Variants in SORCS2 observed in about 807,000 individuals in gnomAD.
SORCS2 encodes the protein VPS10 domain-containing receptor SorCS2.
SORCS2 carries 100 observed loss-of-function variants against 141.6 expected under a neutral mutation model. That is an observed-to-expected ratio of 0.71 (90% confidence interval 0.60 to 0.83). SORCS2 has a LOEUF of 0.83. Ranked by LOEUF, SORCS2 falls within the 40% of genes least tolerant of loss-of-function variation. SORCS2 has a pLI of 0.00. For synonymous variants in SORCS2, 789 were observed against 676.9 expected, an observed-to-expected ratio of 1.17 and a Z score of -2.57; for missense variants, 1,646 against 1,560.2, an observed-to-expected ratio of 1.05 and a Z score of -0.93.
chr4:7,270,042 G>A lies in SORCS2; in HGVS notation c.480+76916G>A, dbSNP rs181772135. Among the ~76,000 whole-genome samples, 22 of 152,302 alleles carry A rather than the reference G, an allele frequency of 1.4e-4. No homozygotes were observed. In the East Asian group the frequency reaches 3.1e-3, roughly 21 times the overall value. The stretch of plus-strand genomic sequence containing the variant: ...CTACAAGTGCCTGCCACCATGTGTG[G>A]CTAATTTTTGTATTTGTTAGTAGGC... On this transcript the variant is annotated intron_variant, in intron 1 of 26. Transcript: ENST00000507866.
chr4:7,528,116 C>T (rs1037344163), intron 2 of SORCS2, among the ~76,000 whole-genome samples: 27 of 150,252 alleles, frequency 1.8e-4, no homozygotes, highest in Non-Finnish European at 2.8e-4. Context: ...ACAGTGTCCA[C>T]GCTGCCCATG....
rs143535406 is a variant in SORCS2 at position 7,549,989 on chromosome 4, C to T, written c.648+18360C>T. 6.7e-3 allele frequency among the ~76,000 whole-genome samples: 1,017 copies of T among 151,996 alleles called. 17 individuals carry two copies. The highest frequency in any genetic ancestry group is 0.023 in the African/African-American group (952 of 41,434). ...TTGCTCCCGAGGACTGAAAGGAATT[C>T]GATGTAACTAAAATATGAATCCACA... On this transcript the variant is annotated intron_variant, in intron 3 of 26. Transcript: ENST00000507866.
chr4:7,579,320 AC>A (rs1715984280), intron 3 of SORCS2, among the ~76,000 whole-genome samples: 2 of 152,166 alleles, frequency 1.3e-5, no homozygotes, highest in Non-Finnish European at 2.9e-5. Context: ...CTGAGTACCT[AC>A]AAAATCCCAT....
chr4:7,203,437 T>C (rs1485703758), intron 1 of SORCS2, among the ~76,000 whole-genome samples: 1 of 151,670 alleles, frequency 6.6e-6, no homozygotes, highest in African/African-American at 2.4e-5. Context: ...AAAAATTCTT[T>C]TTTCTTTAGA....
chr4:7,511,951 G>A (rs28528220), intron 2 of SORCS2, among the ~76,000 whole-genome samples: 14,109 of 152,238 alleles, frequency 0.093, 1,754 homozygotes, highest in African/African-American at 0.29. Context: ...GGTCCTGGAG[G>A]GGCACGCGCT....
At chr4:7,522,570 G>C (rs1487021222) in intron 2 of SORCS2, among the ~76,000 whole-genome samples, 1 of 152,108 alleles carries the variant, frequency 6.6e-6, no homozygotes, top group Non-Finnish European at 1.5e-5. Context: ...GAGAGAGGAG[G>C]CGCTCAGTAA....
At chr4:7,497,852 A>G (rs1731724430) in intron 2 of SORCS2, among the ~76,000 whole-genome samples, 5 of 152,278 alleles carry the variant, frequency 3.3e-5, no homozygotes, top group African/African-American at 1.2e-4. Flanking sequence ...TGCCGAAGGC[A>G]GAGGACCAGC....
intron 1 of SORCS2, among the ~76,000 whole-genome samples, chr4:7,234,810 G>T (rs1427848465): frequency 3.3e-5 from 5 of 152,280 alleles, no homozygotes; most frequent in African/African-American, 9.6e-5. Context: ...CCAGGAGCCT[G>T]ATGATGGCTG....
chr4:7,433,797 C>T (rs192357452), intron 2 of SORCS2: 19 of 1,613,690 alleles, frequency 1.2e-5, no homozygotes. Flanking sequence ...GACGGATGAA[C>T]TTGCACACCT....
intron 2 of SORCS2, among the ~76,000 whole-genome samples, chr4:7,436,565 C>T (rs185582599): frequency 1.3e-5 from 2 of 152,336 alleles, no homozygotes; most frequent in East Asian, 3.9e-4. Flanking sequence ...TTGAGCCTGG[C>T]ACAACATCCC....
intron 8 of SORCS2, among the ~76,000 whole-genome samples, chr4:7,675,031 A>G (rs1180406276): frequency 6.6e-6 from 1 of 152,142 alleles, no homozygotes; most frequent in Non-Finnish European, 1.5e-5. Flanking sequence ...AAAGGAACAG[A>G]GGTGGGAGGG....
At chr4:7,475,205 C>T (rs1420049552) in intron 2 of SORCS2, among the ~76,000 whole-genome samples, 3 of 152,088 alleles carry the variant, frequency 2.0e-5, no homozygotes, top group African/African-American at 7.2e-5. Flanking sequence ...TAGGGTGCCG[C>T]CGTGCCTGGG....
intron 2 of SORCS2, among the ~76,000 whole-genome samples, chr4:7,465,202 C>T (rs768622383): frequency 1.3e-5 from 2 of 152,234 alleles, no homozygotes; most frequent in Non-Finnish European, 1.5e-5. Flanking sequence ...AGCAGGAGGC[C>T]TCTGCTCCAT....
chr4:7,600,464 G>A (rs566405497), intron 3 of SORCS2, among the ~76,000 whole-genome samples: 3 of 152,130 alleles, frequency 2.0e-5, no homozygotes, highest in Non-Finnish European at 2.9e-5. Flanking sequence ...TGTGCTCTGC[G>A]TGGATGTTGA....
At chr4:7,229,789 C>A (rs1257361284) in intron 1 of SORCS2, among the ~76,000 whole-genome samples, 405 of 104,188 alleles carry the variant, frequency 3.9e-3, no homozygotes, top group Middle Eastern at 0.03. Context: ...GAAGATGGTC[C>A]AGTCTTCCAG....
chr4:7,316,532 G>A (rs759119008), intron 1 of SORCS2, among the ~76,000 whole-genome samples: 12 of 152,158 alleles, frequency 7.9e-5, no homozygotes, highest in Admixed American at 4.6e-4. Context: ...CTCTCATGTC[G>A]TCATTATTAC....
Position 7,400,900 on chromosome 4 carries a change from CAT to C in SORCS2, c.548+4548_548+4549del, listed in dbSNP as rs564771189. On this transcript the variant is annotated intron_variant, in intron 2 of 26. Transcript: ENST00000507866. Reference sequence around the variant, plus strand: ...ATAGGTGGATAGATTAATGGATGGACATATGGATGGATAGATGAATGGAGAGA... The same window carrying C: ...ATAGGTGGATAGATTAATGGATGGACATGGATGGATAGATGAATGGAGAGA... Among the ~76,000 whole-genome samples the C allele has an allele frequency of 4.1e-4, 58 of 140,766 alleles. 1 individual carries two copies. Among genetic ancestry groups the C allele is most frequent in the Admixed American group, 9.1e-4 (13 of 14,308 alleles). 92.3% of individuals were successfully genotyped at this position (140,766 alleles called of 152,430 possible). A position where few individuals can be genotyped will look rare whatever the true frequency, so the allele number is the denominator to read the frequency against.
At chr4:7,439,183 T>TG (rs538752406) in intron 2 of SORCS2, among the ~76,000 whole-genome samples, 101 of 130,752 alleles carry the variant, frequency 7.7e-4, no homozygotes, top group African/African-American at 2.6e-3. Flanking sequence ...GGAAGGAGTT[T>TG]GTATATATAT....
At chr4:7,581,961 T>C (rs13143945) in intron 3 of SORCS2, among the ~76,000 whole-genome samples, 3 of 152,242 alleles carry the variant, frequency 2.0e-5, no homozygotes, top group African/African-American at 7.2e-5. Context: ...GACAATTTTA[T>C]ACTCTGAATT....
Sources: gnomAD v4.1 joint callset for allele counts (sites outside exome capture counted in the v4.1 genomes callset) on GRCh38, gnomAD v4.1.1 for gene constraint, MANE v1.5 for transcripts, NCBI Gene and HGNC (gene_info 2026-07-23, HGNC 2026-07-21) for gene names.